The following HOMER2 variants were observed in gnomAD, a reference collection of about 807,000 sequenced individuals.
The protein encoded by HOMER2 is homer scaffold protein 2, also known as homer protein homolog 2.
In HOMER2, 27 loss-of-function variants were observed where a neutral mutation model predicts 47.0. The ratio of observed to expected loss-of-function variants is 0.57; its 90% CI spans 0.42 to 0.79. The LOEUF is 0.79. Among genes scored for constraint, HOMER2 ranks in the 30% least tolerant of loss-of-function variants. The pLI, the probability that HOMER2 is intolerant of heterozygous loss-of-function variation, is 0.00. For missense variants in HOMER2, 443 were observed against 435.0 expected, an observed-to-expected ratio of 1.02 and a Z score of -0.16; for synonymous variants, 161 against 163.8, an observed-to-expected ratio of 0.98 and a Z score of 0.13.
At chr15:82,863,725 CCT>C (rs751230671) in intron 4 of HOMER2, among the ~76,000 whole-genome samples, 6 of 152,318 alleles carry the variant, frequency 3.9e-5, no homozygotes, top group Non-Finnish European at 7.4e-5. Context: ...AGCCGGATCT[CCT>C]CTGTTAAGAC....
At chr15:82,837,304 CAT>C (rs2051137255) in exon 2 of HOMER2, 1 of 152,288 alleles carries the variant, frequency 6.6e-6, no homozygotes, top group African/African-American at 2.4e-5. Context: ...ACTATGGTAA[CAT>C]AGCCACAGGT....
At chr15:82,848,325 G>C (rs1014406591), downstream of HOMER2, among the ~76,000 whole-genome samples, 11 of 152,128 alleles carry the variant, frequency 7.2e-5, no homozygotes, top group African/African-American at 2.7e-4. Context: ...GTCCTCTTAG[G>C]TGGTTCTCAA....
intron 1 of HOMER2, among the ~76,000 whole-genome samples, chr15:82,898,948 G>A (rs962908723): frequency 6.6e-6 from 1 of 152,126 alleles, no homozygotes. Context: ...GTCTTGTAAG[G>A]TACCCTAATT....
At chr15:82,965,665 G>C (rs939235531) in intron 1 of HOMER2, among the ~76,000 whole-genome samples, 1 of 152,032 alleles carries the variant, frequency 6.6e-6, no homozygotes, top group African/African-American at 2.4e-5. Flanking sequence ...GGCAATATTG[G>C]TACCTCCTCT....
intron 1 of HOMER2, among the ~76,000 whole-genome samples, chr15:82,936,514 T>C (rs1295069573): frequency 1.3e-5 from 2 of 152,202 alleles, no homozygotes; most frequent in African/African-American, 2.4e-5. Flanking sequence ...TTGTTTCTTG[T>C]CAATCTTTTA....
chr15:82,858,976 AG>A, intron 5 of HOMER2, 52 bp downstream of exon 5: 1 of 1,576,160 alleles, frequency 6.3e-7, no homozygotes, highest in Non-Finnish European at 8.7e-7. Context: ...AAAGGCTTCT[AG>A]GGAAGTGCTG....
intron 1 of HOMER2, among the ~76,000 whole-genome samples, chr15:82,974,734 G>T (rs2030143353): frequency 6.6e-6 from 1 of 152,176 alleles, no homozygotes; most frequent in Non-Finnish European, 1.5e-5. Flanking sequence ...AAGAGAATTA[G>T]GACCCACTGT....
intron 1 of HOMER2, among the ~76,000 whole-genome samples, chr15:82,938,323 G>C (rs760609597): frequency 1.3e-5 from 2 of 152,154 alleles, no homozygotes; most frequent in Non-Finnish European, 2.9e-5. Flanking sequence ...GCAGTAAGTT[G>C]AGATCGCGCC....
intron 8 of HOMER2, 79 bp downstream of exon 8, chr15:82,851,072 T>A (rs1167367845): frequency 1.1e-6 from 1 of 937,036 alleles, no homozygotes. Context: ...GTGAAAGTGA[T>A]AGGAAGCAGG....
At chr15:82,979,764 C>T (rs914198863) in intron 1 of HOMER2, among the ~76,000 whole-genome samples, 2 of 152,120 alleles carry the variant, frequency 1.3e-5, no homozygotes, top group African/African-American at 4.8e-5. Flanking sequence ...GAAGCATTCT[C>T]TGAAAATGGA....
At chr15:82,937,985 C>T (rs149106520) in intron 1 of HOMER2, among the ~76,000 whole-genome samples, 322 of 152,346 alleles carry the variant, frequency 2.1e-3, no homozygotes, top group Non-Finnish European at 3.1e-3. Flanking sequence ...GCTCACTCCT[C>T]GCCCCAACCC....
chr15:82,976,384 G>A (rs1220751774), intron 1 of HOMER2, among the ~76,000 whole-genome samples: 2 of 151,902 alleles, frequency 1.3e-5, no homozygotes, highest in African/African-American at 4.8e-5. Flanking sequence ...TGCAACCTCC[G>A]CACCCCGGGT....
At chr15:82,945,774 T>A (rs764938596) in intron 1 of HOMER2, among the ~76,000 whole-genome samples, 3 of 151,954 alleles carry the variant, frequency 2.0e-5, no homozygotes, top group Non-Finnish European at 2.9e-5. Context: ...ATCGAGACCA[T>A]CCTGGCTAAC....
At chr15:82,898,300 G>C (rs925416269) in intron 1 of HOMER2, 2 of 152,194 alleles carry the variant, frequency 1.3e-5, no homozygotes, top group African/African-American at 4.8e-5. Flanking sequence ...AATATAAATA[G>C]AAAGATTTAA....
chr15:82,966,443 C>A (rs1420106170), intron 1 of HOMER2, among the ~76,000 whole-genome samples: 1 of 152,114 alleles, frequency 6.6e-6, no homozygotes, highest in Non-Finnish European at 1.5e-5. Flanking sequence ...TTTAAGACAG[C>A]CTTAGCTGCA....
chr15:82,903,466 A>C (rs146502304), intron 1 of HOMER2, among the ~76,000 whole-genome samples: 5,506 of 152,160 alleles, frequency 0.036, 319 homozygotes, highest in African/African-American at 0.13. Context: ...TACAAAAAAA[A>C]ATTAGCCAGG....
intron 3 of HOMER2, among the ~76,000 whole-genome samples, chr15:82,874,566 C>T (rs1343845011): frequency 6.6e-6 from 1 of 152,126 alleles, no homozygotes; most frequent in Non-Finnish European, 1.5e-5. Flanking sequence ...TCTAACCATC[C>T]AAGGAGTTTG....
chr15:82,964,746 G>A (rs1303354511), intron 1 of HOMER2, among the ~76,000 whole-genome samples: 1 of 151,976 alleles, frequency 6.6e-6, no homozygotes, highest in Admixed American at 6.6e-5. Context: ...CTCCGGCCTG[G>A]GTGACAAAGT....
chr15:82,871,640 G>A (rs2052178355), intron 3 of HOMER2, among the ~76,000 whole-genome samples: 1 of 152,218 alleles, frequency 6.6e-6, no homozygotes. Flanking sequence ...GACGATGGAG[G>A]TTGTGGGCAC....
Sources: gnomAD v4.1 joint callset for allele counts (sites outside exome capture counted in the v4.1 genomes callset) on GRCh38, gnomAD v4.1.1 for gene constraint, MANE v1.5 for transcripts, NCBI Gene and HGNC (gene_info 2026-07-23, HGNC 2026-07-21) for gene names.